Variants in MACO1 observed in about 807,000 individuals in gnomAD.
The protein encoded by MACO1 is macoilin.
A neutral mutation model predicts 78.7 loss-of-function variants in MACO1; 14 were observed. The observed-to-expected ratio is 0.18, with a 90% confidence interval of 0.12 to 0.28. MACO1 has a LOEUF of 0.28. Among genes scored for constraint, MACO1 ranks in the 10% least tolerant of loss-of-function variants. The pLI is 1.00. For synonymous variants in MACO1, 288 were observed against 291.6 expected (o/e 0.99, Z 0.12); for missense variants, 501 against 799.0 (o/e 0.63, Z 4.50).
intron 1 of MACO1, among the ~76,000 whole-genome samples, chr1:25,432,851 T>A (rs1481512563): frequency 6.6e-6 from 1 of 152,230 alleles, no homozygotes; most frequent in Non-Finnish European, 1.5e-5. Context: ...GTTTACGTGT[T>A]TTCTGCTGTA....
At chr1:25,495,771 G>A (rs897724708) in intron 10 of MACO1, among the ~76,000 whole-genome samples, 6 of 152,146 alleles carry the variant, frequency 3.9e-5, no homozygotes, top group Admixed American at 3.9e-4. Flanking sequence ...AGACCATCCT[G>A]GCCAACATAG....
At chr1:25,440,008 C>A (rs1477686070) in intron 1 of MACO1, among the ~76,000 whole-genome samples, 12 of 105,576 alleles carry the variant, frequency 1.1e-4, no homozygotes, top group Admixed American at 9.6e-4. Flanking sequence ...ACAAGCGAAA[C>A]TCTGTCTCAA....
intron 10 of MACO1, among the ~76,000 whole-genome samples, chr1:25,497,748 T>C (rs2043550273): frequency 6.6e-6 from 1 of 152,180 alleles, no homozygotes; most frequent in African/African-American, 2.4e-5. Context: ...TTGGTTATGC[T>C]GTATTCCTTG....
chr1:25,444,110 T>G (rs1235105877), intron 1 of MACO1, among the ~76,000 whole-genome samples: 1 of 151,846 alleles, frequency 6.6e-6, no homozygotes, highest in Non-Finnish European at 1.5e-5. Context: ...AAAAATTAGC[T>G]GAGTGTGGTG....
At chr1:25,435,076 A>G (rs1212203734) in intron 1 of MACO1, among the ~76,000 whole-genome samples, 1 of 152,228 alleles carries the variant, frequency 6.6e-6, no homozygotes, top group African/African-American at 2.4e-5. Context: ...CATATATTCC[A>G]AATCGCTACA....
intron 6 of MACO1, among the ~76,000 whole-genome samples, chr1:25,464,219 C>T (rs2043195947): frequency 1.3e-5 from 2 of 152,142 alleles, no homozygotes; most frequent in East Asian, 3.9e-4. Context: ...TTTAGTTTTG[C>T]CTTTTCCAGA....
intron 7 of MACO1, among the ~76,000 whole-genome samples, chr1:25,484,696 C>T (rs1160069816): frequency 6.6e-6 from 1 of 152,148 alleles, no homozygotes; most frequent in East Asian, 1.9e-4. Context: ...AAAAGGCAGG[C>T]AGAAAGCCAG....
chr1:25,498,538 A>G lies in MACO1; in HGVS notation c.*72A>G. 7.2e-7 allele frequency: 1 copy of G among 1,382,958 alleles called. No individual in the cohort carries two copies. Among genetic ancestry groups the G allele is most frequent in the East Asian group, 2.3e-5 (1 of 43,518 alleles). 85.7% of individuals were successfully genotyped at this position (1,382,958 alleles called of 1,614,324 possible). A position where few individuals can be genotyped will look rare whatever the true frequency, so the allele number is the denominator to read the frequency against. On this transcript the variant is annotated 3_prime_UTR_variant, in exon 11 of 11. Coordinates refer to ENST00000374343, the MANE Select transcript of MACO1 (RefSeq NM_018202.6). ...TGCAAAGGAGCGTCTCTGGCAGTCA[A>G]GATAAAAAAACAGTTTCTATTGTAT... is the stretch of plus-strand genomic sequence containing the variant.
intron 6 of MACO1, among the ~76,000 whole-genome samples, chr1:25,469,977 A>G (rs1284838204): frequency 2.6e-5 from 4 of 152,190 alleles, no homozygotes; most frequent in Non-Finnish European, 5.9e-5. Context: ...GCAGTTTAGG[A>G]AAAAACTAAA....
At chr1:25,445,331 G>A (rs1391464090) in intron 1 of MACO1, among the ~76,000 whole-genome samples, 1 of 151,110 alleles carries the variant, frequency 6.6e-6, no homozygotes, top group Non-Finnish European at 1.5e-5. Flanking sequence ...GTTCTTTTGT[G>A]ATTTGCTTTG....
intron 1 of MACO1, among the ~76,000 whole-genome samples, chr1:25,439,720 C>T (rs1289755785): frequency 9.3e-5 from 14 of 149,818 alleles, no homozygotes; most frequent in Admixed American, 9.3e-4. Flanking sequence ...TCTCTTTACA[C>T]TCTTAAAAAT....
intron 3 of MACO1, among the ~76,000 whole-genome samples, chr1:25,452,969 A>G (rs1319598958): frequency 6.7e-6 from 1 of 149,830 alleles, no homozygotes; most frequent in Non-Finnish European, 1.5e-5. Context: ...TGCTGGGATT[A>G]CAAGCATGAG....
At chr1:25,454,129 T>A in intron 3 of MACO1, 130 bp from the exon 4 acceptor site, 1 of 1,105,250 alleles carries the variant, frequency 9.0e-7, no homozygotes, top group Non-Finnish European at 1.2e-6. Context: ...TTTGGATCAG[T>A]TTGCCTTTTA....
intron 1 of MACO1, among the ~76,000 whole-genome samples, chr1:25,437,353 C>T (rs367909010): frequency 1.6e-4 from 22 of 135,678 alleles, no homozygotes; most frequent in African/African-American, 4.8e-4. Context: ...GATGGAGTCT[C>T]GCCGTGTTGT....
intron 1 of MACO1, among the ~76,000 whole-genome samples, chr1:25,436,683 A>G (rs1571946873): frequency 6.6e-6 from 1 of 152,196 alleles, no homozygotes; most frequent in Non-Finnish European, 1.5e-5. Flanking sequence ...CATCCTGGCA[A>G]TGGAAGCTTG....
At chr1:25,494,011 G>A (rs1015867683) in intron 10 of MACO1, among the ~76,000 whole-genome samples, 3 of 152,160 alleles carry the variant, frequency 2.0e-5, no homozygotes, top group Non-Finnish European at 4.4e-5. Context: ...GATTACAGGC[G>A]TGAGCCACCG....
In MACO1 at chr1:25,491,418, GA is replaced by G; in HGVS notation, c.1629del (p.Lys543AsnfsTer12). 6.2e-7 allele frequency: 1 copy of G among 1,614,154 alleles called. No homozygotes were observed. Among genetic ancestry groups the G allele is most frequent in the Non-Finnish European group, 8.5e-7 (1 of 1,180,020 alleles). On this transcript the variant is annotated frameshift_variant, in exon 10 of 11. Transcript: ENST00000374343. LOFTEE classifies it high-confidence loss of function. ...TTTGATGATATTGATAGGAGCTTCG[GA>G]AATATAAGGAAAATGAGAAGGACAC... ...ELELKVQELR[K>X]YKENEKDTEV... is the part of the protein sequence containing the mutation.
intron 6 of MACO1, among the ~76,000 whole-genome samples, chr1:25,479,809 C>A (rs765420661): frequency 3.3e-5 from 5 of 152,002 alleles, no homozygotes; most frequent in South Asian, 2.1e-4. Context: ...TACGTCCATA[C>A]AATGGAATAT....
intron 1 of MACO1, among the ~76,000 whole-genome samples, chr1:25,435,455 A>G (rs1234164093): frequency 5.3e-5 from 8 of 152,144 alleles, no homozygotes; most frequent in Admixed American, 4.6e-4. Flanking sequence ...ATTCTTCTCA[A>G]CTTCCCAATT....
Sources: gnomAD v4.1 joint callset for allele counts (sites outside exome capture counted in the v4.1 genomes callset) on GRCh38, gnomAD v4.1.1 for gene constraint, MANE v1.5 for transcripts, NCBI Gene and HGNC (gene_info 2026-07-23, HGNC 2026-07-21) for gene names.